The following KMO variants were observed in gnomAD, a reference collection of about 807,000 sequenced individuals.
KMO encodes kynurenine 3-hydroxylase.
Under a neutral mutation model 57.8 loss-of-function variants are expected in KMO, and 24 were observed. The ratio of observed to expected loss-of-function variants is 0.42; its 90% CI spans 0.30 to 0.58. KMO has a LOEUF of 0.58. Ranked by LOEUF, KMO falls within the 20% of genes least tolerant of loss-of-function variation. The pLI is 0.22. For missense variants in KMO, 483 were observed against 588.2 expected, an observed-to-expected ratio of 0.82 and a Z score of 1.85; for synonymous variants, 210 against 193.6, an observed-to-expected ratio of 1.08 and a Z score of -0.70.
At chr1:241,536,106 T>C (rs887834549) in intron 1 of KMO, among the ~76,000 whole-genome samples, 2 of 152,106 alleles carry the variant, frequency 1.3e-5, no homozygotes, top group Non-Finnish European at 2.9e-5. Context: ...TGGGAAATTT[T>C]TAAAGAGTTT....
rs1461848579 is a variant in KMO at position 241,588,848 on chromosome 1, G to A, written c.1098+18G>A. On this transcript the variant is annotated intron_variant, in intron 12 of 14. Transcript: ENST00000366559. The stretch of plus-strand genomic sequence containing the variant: ...ACATAGAGGTGAGTGAGAAGGTTTG[G>A]CTTTATTCCATGAGATGGTTCACTG... 1.9e-6 allele frequency: 3 copies of A among 1,576,618 alleles called. No individual in the cohort carries two copies. Among genetic ancestry groups the A allele is most frequent in the Non-Finnish European group, 2.6e-6 (3 of 1,147,120 alleles).
rs180836797 is a variant in KMO, at chr1:241,562,426, T to A, written c.615+94T>A. The A allele has an allele frequency of 5.5e-4, 698 of 1,271,568 alleles. 7 individuals are homozygous for A. In the Middle Eastern group the frequency reaches 0.028, roughly 52 times the overall value. 78.8% of individuals were successfully genotyped at this position (1,271,568 alleles called of 1,614,324 possible). Reference sequence around the variant, plus strand: ...TGCAGTGGTTCTCAGCAGCATGTCTTGATCCATTTTGAGGCCTATCACAAG... The same window carrying A: ...TGCAGTGGTTCTCAGCAGCATGTCTAGATCCATTTTGAGGCCTATCACAAG... On this transcript the variant is annotated intron_variant, in intron 7 of 14. Coordinates refer to ENST00000366559, the MANE Select transcript of KMO (RefSeq NM_003679.5).
chr1:241,569,238 T>G (rs909582587), intron 10 of KMO, among the ~76,000 whole-genome samples: 1 of 152,118 alleles, frequency 6.6e-6, no homozygotes, highest in African/African-American at 2.4e-5. Flanking sequence ...ACATTCACCC[T>G]ATTGTGATGC....
chr1:241,592,256 T>A lies in KMO; in HGVS notation c.*103T>A, dbSNP rs956853859. The A allele has an allele frequency of 3.8e-6, 3 of 795,138 alleles. No individual in the cohort carries two copies. In the African/African-American group the frequency reaches 5.2e-5, roughly 14 times the overall value. The allele number at this position is 795,138 out of a possible 1,614,324, so 49.3% of individuals were successfully genotyped here. On this transcript the variant is annotated 3_prime_UTR_variant, in exon 15 of 15. Transcript: ENST00000366559. ...TATTTGATTCACTAGTGGAAGATAG[T>A]GTTCTGCTTATAATTAAACTGAATG...
At chr1:241,569,414 AT>A (rs1468206497) in intron 10 of KMO, among the ~76,000 whole-genome samples, 1 of 151,952 alleles carries the variant, frequency 6.6e-6, no homozygotes, top group African/African-American at 2.4e-5. Flanking sequence ...GAATGTGATA[AT>A]TTTCTTTATG....
chr1:241,550,933 A>C (rs371790400), intron 3 of KMO, 22 bp from the exon 4 acceptor site: 40 of 1,188,086 alleles, frequency 3.4e-5, no homozygotes, highest in Non-Finnish European at 4.5e-5. Flanking sequence ...CATTGAAGTC[A>C]ATATTTCTGG....
chr1:241,532,751 T>C (rs533356016), intron 1 of KMO, among the ~76,000 whole-genome samples: 2 of 152,310 alleles, frequency 1.3e-5, no homozygotes, highest in South Asian at 4.2e-4. Flanking sequence ...TTTTCCCTCA[T>C]CATTTTGGTT....
At chr1:241,588,668 C>G in intron 11 of KMO, 80 bp from the exon 12 acceptor site, 1 of 937,074 alleles carries the variant, frequency 1.1e-6, no homozygotes, top group Non-Finnish European at 1.7e-6. Context: ...TGGTAGTGAA[C>G]GTACCATTTA....
At chr1:241,562,886 G>A (rs867079975) in intron 7 of KMO, among the ~76,000 whole-genome samples, 4 of 74,968 alleles carry the variant, frequency 5.3e-5, no homozygotes, top group African/African-American at 2.3e-4. Context: ...AAGGAAGGAA[G>A]GAAGGAAGGA....
Position 241,566,621 on chromosome 1 carries a change from C to G in KMO, c.809+9C>G. On this transcript the variant is annotated intron_variant, in intron 9 of 14. Coordinates refer to ENST00000366559, the MANE Select transcript of KMO (RefSeq NM_003679.5). ...ATCCCTCTAATTGGAGAGTAAGTTG[C>G]AAGATGTGCCTTTTGCTCCATTTGT... The G allele has an allele frequency of 6.2e-7, 1 of 1,613,180 alleles. No individual in the cohort carries two copies. Among genetic ancestry groups the G allele is most frequent in the Non-Finnish European group, 8.5e-7 (1 of 1,179,366 alleles).
chr1:241,539,383 C>CAAAAA (rs769776691), intron 1 of KMO, among the ~76,000 whole-genome samples: 7 of 134,882 alleles, frequency 5.2e-5, no homozygotes, highest in African/African-American at 1.8e-4. Context: ...GACTCCGTCT[C>CAAAAA]AAAAAAATTC....
intron 10 of KMO, among the ~76,000 whole-genome samples, chr1:241,582,652 A>G (rs1008984598): frequency 6.6e-6 from 1 of 152,292 alleles, no homozygotes; most frequent in Middle Eastern, 3.4e-3. Context: ...ATCTGATACA[A>G]TTCTGAATTC....
chr1:241,581,207 G>A (rs545866195), intron 10 of KMO, among the ~76,000 whole-genome samples: 2 of 151,944 alleles, frequency 1.3e-5, no homozygotes, highest in African/African-American at 2.4e-5. Flanking sequence ...ATTTTCAGTC[G>A]ATGTGTGTCT....
At chr1:241,555,712 ACT>A in intron 5 of KMO, 52 bp downstream of exon 5, 2 of 1,053,838 alleles carry the variant, frequency 1.9e-6, no homozygotes, top group African/African-American at 1.6e-5. Context: ...AGCACATGAC[ACT>A]AATCTTGTCA....
chr1:241,537,778 A>C (rs1296973279), intron 1 of KMO, among the ~76,000 whole-genome samples: 1 of 152,150 alleles, frequency 6.6e-6, no homozygotes, highest in African/African-American at 2.4e-5. Context: ...AAATCATCAG[A>C]TTTCATGAGA....
intron 1 of KMO, among the ~76,000 whole-genome samples, chr1:241,542,646 C>G (rs956926485): frequency 3.9e-5 from 6 of 152,302 alleles, no homozygotes; most frequent in African/African-American, 1.2e-4. Context: ...GAACCAGAAT[C>G]AAAAAATAGT....
chr1:241,582,875 T>C (rs1229156537), intron 10 of KMO, among the ~76,000 whole-genome samples: 7 of 152,144 alleles, frequency 4.6e-5, no homozygotes, highest in Non-Finnish European at 1.0e-4. Context: ...ATTTTGTCTA[T>C]TTTGTCTTCA....
At chr1:241,542,076 G>C (rs531846739) in intron 1 of KMO, among the ~76,000 whole-genome samples, 1 of 152,174 alleles carries the variant, frequency 6.6e-6, no homozygotes, top group African/African-American at 2.4e-5. Context: ...CTTCCTAATA[G>C]GATCACAGTT....
rs76833991 is a variant in KMO at position 241,581,073 on chromosome 1, A to T, written c.958-5606A>T. ...ACCAAATTGACCTTTTTGTCATTAT[A>T]TAATGAACTCATTTGTTTGTCTTTA... is the stretch of plus-strand genomic sequence containing the variant. On this transcript the variant is annotated intron_variant, in intron 10 of 14. Transcript: ENST00000366559. Among the ~76,000 whole-genome samples, 1,362 of 152,282 alleles carry T rather than the reference A, an allele frequency of 8.9e-3. 17 individuals carry two copies. Among genetic ancestry groups the T allele is most frequent in the East Asian group, 0.057 (297 of 5,188 alleles).
Sources: gnomAD v4.1 joint callset for allele counts (sites outside exome capture counted in the v4.1 genomes callset) on GRCh38, gnomAD v4.1.1 for gene constraint, MANE v1.5 for transcripts, NCBI Gene and HGNC (gene_info 2026-07-23, HGNC 2026-07-21) for gene names.